The following TAOK1 variants were observed in gnomAD, a reference collection of about 807,000 sequenced individuals.
TAOK1 encodes the protein serine/threonine-protein kinase TAO1.
TAOK1 carries 21 observed loss-of-function variants against 138.3 expected under a neutral mutation model. The observed-to-expected ratio is 0.15, with a 90% CI of 0.11 to 0.22. The LOEUF (loss-of-function observed/expected upper bound fraction) is 0.22. TAOK1 is among the 10% of genes least tolerant of loss of function. The pLI is 1.00. For synonymous variants in TAOK1, 361 were observed against 398.4 expected, an observed-to-expected ratio of 0.91 and a Z score of 1.12; for missense variants, 651 against 1,227.7, an observed-to-expected ratio of 0.53 and a Z score of 7.02.
intron 8 of TAOK1, among the ~76,000 whole-genome samples, chr17:29,488,460 C>CTCGGGAGGCTGAGACAGGAGAGAA (rs138028759): frequency 0.37 from 56,085 of 149,986 alleles, 11,708 homozygotes; most frequent in Non-Finnish European, 0.47. Flanking sequence ...ATCCCAGGTA[C>CTCGGGAGGCTGAGACAGGAGAGAA]TCGGGAGGCT....
At position 29,550,035 on chromosome 17, in the gene TAOK1, G is replaced by A. The variant is rs1481855441; in HGVS notation, c.*7013G>A. The A allele has an allele frequency of 6.6e-6, 1 of 152,022 alleles. No homozygotes were observed. Among genetic ancestry groups the A allele is most frequent in the East Asian group, 1.9e-4 (1 of 5,194 alleles). The allele number at this position is 152,022 out of a possible 1,614,324, so 9.4% of individuals were successfully genotyped here. On this transcript the variant is annotated 3_prime_UTR_variant, in exon 20 of 20. Coordinates refer to ENST00000261716, the MANE Select transcript of TAOK1 (RefSeq NM_020791.4). ...TAAGGCCAGTAATTTATCTGAAAAG[G>A]TATTTTATCACACCTTGACACCTTA...
At chr17:29,417,876 A>G (rs1268015459) in intron 1 of TAOK1, among the ~76,000 whole-genome samples, 2 of 151,626 alleles carry the variant, frequency 1.3e-5, no homozygotes, top group Non-Finnish European at 2.9e-5. Flanking sequence ...TAGTTCTTTG[A>G]TTCTCTCTCT....
intron 15 of TAOK1, among the ~76,000 whole-genome samples, chr17:29,516,466 C>G (rs1443990280): frequency 6.6e-6 from 1 of 150,930 alleles, no homozygotes; most frequent in Non-Finnish European, 1.5e-5. Context: ...TCCCAAGTAG[C>G]TGAGACTCCA....
intron 1 of TAOK1, among the ~76,000 whole-genome samples, chr17:29,403,065 G>A (rs1461777930): frequency 6.7e-6 from 1 of 149,624 alleles, no homozygotes; most frequent in Non-Finnish European, 1.5e-5. Flanking sequence ...GGAGCCTGAG[G>A]CAGGAGAACT....
intron 2 of TAOK1, among the ~76,000 whole-genome samples, chr17:29,462,050 C>T (rs2030543724): frequency 6.6e-6 from 1 of 152,152 alleles, no homozygotes; most frequent in Non-Finnish European, 1.5e-5. Flanking sequence ...TTCCTCTCAT[C>T]CCCACTCCAT....
intron 2 of TAOK1, among the ~76,000 whole-genome samples, chr17:29,461,163 G>A (rs1295392312): frequency 6.6e-6 from 1 of 152,068 alleles, no homozygotes; most frequent in Non-Finnish European, 1.5e-5. Context: ...GGCATAATGT[G>A]TGATCCTGGA....
At position 29,520,445 on chromosome 17, in the gene TAOK1, ACT is replaced by A. The variant is rs1491518499; in HGVS notation, c.1909-1832_1909-1831del. On this transcript the variant is annotated intron_variant, in intron 16 of 19. Coordinates refer to ENST00000261716, the MANE Select transcript of TAOK1 (RefSeq NM_020791.4). The stretch of plus-strand genomic sequence containing the variant: ...TCTCTACAAATTTTTTTTTTTTGAG[ACT>A]CTATTGCCCAGGCTGGAATGCAGTG... 4.6e-4 allele frequency among the ~76,000 whole-genome samples: 68 copies of A among 149,370 alleles called. 2 individuals are homozygous for A. Among genetic ancestry groups the A allele is most frequent in the African/African-American group, 1.3e-3 (51 of 40,630 alleles).
chr17:29,497,051 A>C (rs903306491), intron 11 of TAOK1, among the ~76,000 whole-genome samples: 1 of 152,210 alleles, frequency 6.6e-6, no homozygotes, highest in Non-Finnish European at 1.5e-5. Context: ...CAGATTTGCT[A>C]TAGAAGTATT....
intron 6 of TAOK1, among the ~76,000 whole-genome samples, chr17:29,479,640 T>C (rs1323907799): frequency 6.6e-6 from 1 of 152,194 alleles, no homozygotes; most frequent in Non-Finnish European, 1.5e-5. Context: ...CGTGTTATGC[T>C]CTAAAATATT....
intron 19 of TAOK1, among the ~76,000 whole-genome samples, chr17:29,539,887 A>T (rs1433067517): frequency 3.3e-5 from 5 of 152,254 alleles, no homozygotes; most frequent in African/African-American, 1.2e-4. Flanking sequence ...CTCGAAAAAA[A>T]GCAAAAATTG....
chr17:29,400,402 A>C (rs988275767), intron 1 of TAOK1, among the ~76,000 whole-genome samples: 9 of 151,740 alleles, frequency 5.9e-5, no homozygotes, highest in East Asian at 1.9e-4. Flanking sequence ...AAAAAAAAAA[A>C]AAAAAACAAC....
At chr17:29,494,299 G>GT (rs1312536696) in intron 10 of TAOK1, among the ~76,000 whole-genome samples, 1 of 152,046 alleles carries the variant, frequency 6.6e-6, no homozygotes, top group Admixed American at 6.6e-5. Context: ...GGAGGCCAAG[G>GT]TGGGAGGGTC....
chr17:29,454,427 C>A (rs567291572), intron 2 of TAOK1, among the ~76,000 whole-genome samples: 1 of 148,004 alleles, frequency 6.8e-6, no homozygotes, highest in African/African-American at 2.5e-5. Flanking sequence ...TGAGGATTGG[C>A]TTTTTTTTTT....
chr17:29,482,831 TGAGA>T (rs750285831), intron 8 of TAOK1, among the ~76,000 whole-genome samples: 10 of 149,590 alleles, frequency 6.7e-5, no homozygotes, highest in Non-Finnish European at 1.0e-4. Flanking sequence ...GGTCTTGCAA[TGAGA>T]GAGAGAGAGA....
In TAOK1 at chr17:29,532,637, T is replaced by C. The variant is rs2150773523; in HGVS notation, c.2362-1481T>C. Among the ~76,000 whole-genome samples, 3 of 152,296 alleles carry C rather than the reference T, an allele frequency of 2.0e-5. No individual in the cohort carries two copies. In the South Asian group the frequency reaches 6.2e-4, roughly 32 times the overall value. Reference sequence around the variant, plus strand: ...TTTAACCCTGAGTGGACACAACACATGTTTCGGAGAGTACCGGGTTGGGGG... The same window carrying C: ...TTTAACCCTGAGTGGACACAACACACGTTTCGGAGAGTACCGGGTTGGGGG... On this transcript the variant is annotated intron_variant, in intron 18 of 19. Coordinates refer to ENST00000261716, the MANE Select transcript of TAOK1 (RefSeq NM_020791.4).
rs573276232 is a variant in TAOK1 at position 29,464,313 on chromosome 17, G to A, written c.133-2832G>A. Reference sequence around the variant, plus strand: ...AAAAAAATTAGCTGGGCGTGGTGGCGGGCACCTGTAGTCCCAGCTACTCAG... The same window carrying A: ...AAAAAAATTAGCTGGGCGTGGTGGCAGGCACCTGTAGTCCCAGCTACTCAG... On this transcript the variant is annotated intron_variant, in intron 2 of 19. Coordinates refer to ENST00000261716, the MANE Select transcript of TAOK1 (RefSeq NM_020791.4). 4.0e-3 allele frequency among the ~76,000 whole-genome samples: 611 copies of A among 151,552 alleles called. 5 individuals carry two copies. Among genetic ancestry groups the A allele is most frequent in the Non-Finnish European group, 2.7e-3 (181 of 67,846 alleles).
At chr17:29,515,898 A>G (rs1431108553) in intron 15 of TAOK1, among the ~76,000 whole-genome samples, 1 of 152,148 alleles carries the variant, frequency 6.6e-6, no homozygotes, top group East Asian at 1.9e-4. Context: ...CCTGAGCATT[A>G]GAGAAAAAAC....
chr17:29,534,195 T>C lies in TAOK1; in HGVS notation c.2439T>C (p.Asn813=), dbSNP rs545856392. ...MQLQQELELL[N]AYQSKIKMQA... is the part of the protein sequence containing the mutation. ...TGCAGCAGGAACTGGAGCTGTTGAA[T>C]GCGTATCAGAGCAAAATCAAGATGC... is the stretch of plus-strand genomic sequence containing the variant. Residue 813 remains asparagine (N), a synonymous_variant, in exon 19 of 20, where the codon AAT becomes AAC. Coordinates refer to ENST00000261716, the MANE Select transcript of TAOK1 (RefSeq NM_020791.4). 4.0e-5 allele frequency: 64 copies of C among 1,613,786 alleles called. No homozygotes were observed. In the Middle Eastern group the frequency reaches 6.6e-4, roughly 17 times the overall value.
At chr17:29,397,982 G>T (rs1904716102) in intron 1 of TAOK1, among the ~76,000 whole-genome samples, 2 of 151,746 alleles carry the variant, frequency 1.3e-5, no homozygotes, top group Admixed American at 1.3e-4. Context: ...TACCTTCAGG[G>T]CCGAAGCCGT....
Sources: allele counts gnomAD v4.1 joint callset (sites outside exome capture counted in the v4.1 genomes callset), GRCh38; gene constraint gnomAD v4.1.1; transcripts MANE v1.5; gene names NCBI Gene and HGNC (gene_info 2026-07-23, HGNC 2026-07-21).